TRIM14: variants seen among roughly 807,000 people sequenced by gnomAD.
The protein encoded by TRIM14 is tripartite motif containing 14, also known as tripartite motif-containing protein 14.
A neutral mutation model predicts 44.5 loss-of-function variants in TRIM14; 28 were observed. That is an observed-to-expected ratio of 0.63 (90% CI 0.47 to 0.86). The LOEUF (loss-of-function observed/expected upper bound fraction) is 0.86, where lower values mean the gene tolerates loss of function less well. Among genes scored for constraint, TRIM14 ranks in the 40% least tolerant of loss-of-function variants. TRIM14 has a pLI of 0.00. For missense variants in TRIM14, 607 were observed against 611.1 expected, an observed-to-expected ratio of 0.99 and a Z score of 0.07; for synonymous variants, 299 against 269.2, an observed-to-expected ratio of 1.11 and a Z score of -1.08.
chr9:98,076,460 C>T (rs1213379202), intron 6 of TRIM14: 5 of 163,810 alleles, frequency 3.1e-5, no homozygotes, highest in Admixed American at 1.3e-4. Context: ...CTGCAACCTC[C>T]GCCTCCCAGG....
intron 2 of TRIM14, among the ~76,000 whole-genome samples, chr9:98,102,099 T>C (rs1490318577): frequency 6.6e-6 from 1 of 151,610 alleles, no homozygotes; most frequent in Non-Finnish European, 1.5e-5. Context: ...GCGAACGTTC[T>C]GAGAAATAGG....
chr9:98,088,089 A>G (rs1012032193), intron 5 of TRIM14, 84 bp from the exon 6 acceptor site: 11 of 1,347,090 alleles, frequency 8.2e-6, no homozygotes, highest in Non-Finnish European at 9.6e-6. Flanking sequence ...ACGCACGTGC[A>G]AATCACAAAA....
chr9:98,095,658 C>T lies in TRIM14; in HGVS notation c.538-629G>A, dbSNP rs1374775885. Among the ~76,000 whole-genome samples the T allele has an allele frequency of 6.6e-6, 1 of 152,166 alleles. No individual in the cohort carries two copies. The highest frequency in any genetic ancestry group is 1.5e-5 in the Non-Finnish European group (1 of 68,036). On this transcript the variant is annotated intron_variant, in intron 3 of 5. Coordinates refer to ENST00000341469, the MANE Select transcript of TRIM14 (RefSeq NM_014788.4). The surrounding 1 kb of genome is among the most constrained non-coding windows in gnomAD (Gnocchi z 4.1). ...TCACTAAGGAGAAGCTAGAAAACCC[C>T]CTCTCCCAGCTCCCTTTGCACCTGT...
the TRIM14 span, among the ~76,000 whole-genome samples, chr9:98,042,292 GGA>G: frequency 7.3e-6 from 1 of 136,588 alleles, no homozygotes; most frequent in African/African-American, 2.9e-5. Context: ...GACTCTGTCT[GGA>G]AAAAAAAAAA....
intron 1 of TRIM14, chr9:98,116,274 C>G (rs1162156038): frequency 6.7e-6 from 1 of 150,086 alleles, no homozygotes; most frequent in Non-Finnish European, 1.4e-5. Flanking sequence ...CACACTCCAG[C>G]CTGGGCAACA....
At chr9:98,083,020 T>G (rs34342219), downstream of TRIM14, 12 of 1,613,952 alleles carry the variant, frequency 7.4e-6, no homozygotes, top group African/African-American at 1.6e-4. Context: ...CATGGAAGAA[T>G]TGGTAGATAA....
At chr9:98,100,841 AATAAT>A (rs772734194) in intron 2 of TRIM14, among the ~76,000 whole-genome samples, 6 of 152,118 alleles carry the variant, frequency 3.9e-5, no homozygotes, top group Non-Finnish European at 8.8e-5. Flanking sequence ...AAATAATTAA[AATAAT>A]ATGAGATTTT....
At chr9:98,047,792 G>A in the TRIM14 span, among the ~76,000 whole-genome samples, 4 of 152,030 alleles carry the variant, frequency 2.6e-5, no homozygotes, top group East Asian at 1.9e-4. Context: ...TGAGCCGGGC[G>A]TGGTTCCTCA....
At chr9:98,036,338 T>C in the TRIM14 span, among the ~76,000 whole-genome samples, 6 of 151,486 alleles carry the variant, frequency 4.0e-5, no homozygotes, top group Non-Finnish European at 8.8e-5. Flanking sequence ...CCATCTCTAC[T>C]AAAAATACGA....
Position 98,095,118 on chromosome 9 carries a change from C to T in TRIM14, c.538-89G>A, listed in dbSNP as rs1006087643. 2.7e-6 allele frequency: 4 copies of T among 1,477,636 alleles called. No individual in the cohort carries two copies. In the African/African-American group the frequency reaches 4.2e-5, roughly 15 times the overall value. The allele number at this position is 1,477,636 out of a possible 1,614,324, so 91.5% of individuals were successfully genotyped here. ...GCTGCACCCAGGAACAAACCCACAC[C>T]AGCATGCCCAGGCTCCACGTTGGCC... On this transcript the variant is annotated intron_variant, in intron 3 of 5. Transcript: ENST00000341469. The surrounding 1 kb of genome is among the most constrained non-coding windows in gnomAD (Gnocchi z 4.1).
chr9:98,057,206 A>G, the TRIM14 span, among the ~76,000 whole-genome samples: 1 of 152,164 alleles, frequency 6.6e-6, no homozygotes, highest in African/African-American at 2.4e-5. Context: ...TAAAAGTCAG[A>G]CTTGATCAGA....
intron 2 of TRIM14, among the ~76,000 whole-genome samples, chr9:98,102,151 C>G (rs1490076576): frequency 6.6e-6 from 1 of 152,112 alleles, no homozygotes; most frequent in African/African-American, 2.4e-5. Context: ...CATCCTGTTA[C>G]AAGCACTCAA....
At chr9:98,048,919 G>T in the TRIM14 span, among the ~76,000 whole-genome samples, 2 of 151,912 alleles carry the variant, frequency 1.3e-5, no homozygotes, top group Non-Finnish European at 2.9e-5. Context: ...TACCTGGGAG[G>T]CGAGACAGGA....
At chr9:98,117,231 C>T (rs532459865) in intron 1 of TRIM14, among the ~76,000 whole-genome samples, 3 of 152,030 alleles carry the variant, frequency 2.0e-5, no homozygotes, top group Non-Finnish European at 2.9e-5. Flanking sequence ...TAGTTGACTC[C>T]CCAGTGGAAT....
chr9:98,062,201 G>C, the TRIM14 span, among the ~76,000 whole-genome samples: 1 of 150,062 alleles, frequency 6.7e-6, no homozygotes, highest in Non-Finnish European at 1.5e-5. Context: ...GCAAGACCCT[G>C]TCTCTTAATA....
downstream of TRIM14, among the ~76,000 whole-genome samples, chr9:98,066,839 C>T (rs976420477): frequency 6.6e-6 from 1 of 152,056 alleles, no homozygotes; most frequent in South Asian, 2.1e-4. Context: ...TTAGTGGAGA[C>T]AGGGTTTCAC....
At chr9:98,053,745 G>A in the TRIM14 span, among the ~76,000 whole-genome samples, 9 of 151,838 alleles carry the variant, frequency 5.9e-5, no homozygotes, top group African/African-American at 1.5e-4. Flanking sequence ...CCAGAAGAAC[G>A]GAGCGGCCTT....
At chr9:98,081,345 T>G, downstream of TRIM14, 1 of 494,800 alleles carries the variant, frequency 2.0e-6, no homozygotes, top group Non-Finnish European at 3.6e-6. Flanking sequence ...CTTCCACTAA[T>G]TCTCTGAAGC....
chr9:98,066,077 C>T (rs946483833), downstream of TRIM14, among the ~76,000 whole-genome samples: 1 of 152,162 alleles, frequency 6.6e-6, no homozygotes, highest in African/African-American at 2.4e-5. Flanking sequence ...CCCTCCTCCT[C>T]CATAGTTGCT....
Sources: gnomAD v4.1 joint callset for allele counts (sites outside exome capture counted in the v4.1 genomes callset) on GRCh38, gnomAD v4.1.1 for gene constraint, Gnocchi (gnomAD v3.1) non-coding constraint, MANE v1.5 for transcripts, NCBI Gene and HGNC (gene_info 2026-07-23, HGNC 2026-07-21) for gene names.